The following NELL1 variants were observed in gnomAD, a reference collection of about 807,000 sequenced individuals.
The protein encoded by NELL1 is neural EGFL like 1.
NELL1 carries 76 observed loss-of-function variants against 107.4 expected under a neutral mutation model. The ratio of observed to expected loss-of-function variants is 0.71; its 90% CI spans 0.59 to 0.86. NELL1 has a LOEUF of 0.86. Among genes scored for constraint, NELL1 ranks in the 40% least tolerant of loss-of-function variants. The pLI is 0.00. For missense variants in NELL1, 1,024 were observed against 1,005.5 expected (o/e 1.02, Z -0.25); for synonymous variants, 353 against 341.2 (o/e 1.03, Z -0.38).
At chr11:21,178,643 A>T (rs2133821031) in intron 13 of NELL1, among the ~76,000 whole-genome samples, 1 of 151,428 alleles carries the variant, frequency 6.6e-6, no homozygotes, top group East Asian at 1.9e-4. Flanking sequence ...TTCTGCCTGG[A>T]GCCCCAGCTA....
At chr11:20,974,963 T>A (rs914636026) in intron 12 of NELL1, among the ~76,000 whole-genome samples, 2 of 152,214 alleles carry the variant, frequency 1.3e-5, no homozygotes, top group African/African-American at 4.8e-5. Context: ...GAAAGGTTAT[T>A]CACTGTTATT....
intron 15 of NELL1, among the ~76,000 whole-genome samples, chr11:21,413,955 A>AT (rs1470170794): frequency 3.3e-5 from 5 of 151,956 alleles, no homozygotes; most frequent in Admixed American, 6.6e-5. Flanking sequence ...AATGATCAAG[A>AT]TTTTTTTGTT....
intron 14 of NELL1, among the ~76,000 whole-genome samples, chr11:21,250,047 T>C (rs1242662773): frequency 6.6e-6 from 1 of 152,238 alleles, no homozygotes; most frequent in African/African-American, 2.4e-5. Flanking sequence ...GGAGCTTTCA[T>C]GTTTACTGTA....
chr11:21,334,765 C>T (rs1041593874), intron 14 of NELL1, among the ~76,000 whole-genome samples: 27 of 151,854 alleles, frequency 1.8e-4, no homozygotes, highest in African/African-American at 6.5e-4. Flanking sequence ...TGAGTAACTG[C>T]AATTGTGTAG....
At chr11:21,052,755 A>G (rs992328579) in intron 12 of NELL1, among the ~76,000 whole-genome samples, 8 of 152,094 alleles carry the variant, frequency 5.3e-5, no homozygotes, top group Admixed American at 2.6e-4. Context: ...CAGTAGAGCA[A>G]TCCACTTCAG....
intron 12 of NELL1, among the ~76,000 whole-genome samples, chr11:21,018,888 A>G (rs1852632369): frequency 6.6e-6 from 1 of 152,044 alleles, no homozygotes; most frequent in Non-Finnish European, 1.5e-5. Flanking sequence ...GCTGCTTCCT[A>G]TTCAGCTCTG....
In NELL1 at chr11:20,914,613, A is replaced by G. The variant is rs191741893; in HGVS notation, c.604-3569A>G. Among the ~76,000 whole-genome samples the G allele has an allele frequency of 5.3e-5, 8 of 152,182 alleles. No homozygotes were observed. In the South Asian group the frequency reaches 1.4e-3, roughly 28 times the overall value. On this transcript the variant is annotated intron_variant, in intron 5 of 19. Transcript: ENST00000357134. ...ATGAAGCATGTTCAACTCCTTTTCC[A>G]TCATGGTCTGAACTAGATTTCCGGG...
At chr11:21,504,622 G>C (rs1394652302) in intron 15 of NELL1, among the ~76,000 whole-genome samples, 1 of 152,030 alleles carries the variant, frequency 6.6e-6, no homozygotes, top group African/African-American at 2.4e-5. Context: ...ATTTCTTAAG[G>C]TCTTCATTCC....
intron 4 of NELL1, among the ~76,000 whole-genome samples, chr11:20,876,854 C>T (rs1032718108): frequency 6.6e-6 from 1 of 152,216 alleles, no homozygotes; most frequent in African/African-American, 2.4e-5. Context: ...AGTCAGTAAA[C>T]TTTGAGGACC....
chr11:21,156,333 A>T (rs1232282947), intron 13 of NELL1, among the ~76,000 whole-genome samples: 1 of 152,206 alleles, frequency 6.6e-6, no homozygotes, highest in Non-Finnish European at 1.5e-5. Context: ...AGCAGGGCAC[A>T]GTTGCCTCTG....
intron 14 of NELL1, among the ~76,000 whole-genome samples, chr11:21,236,437 C>T (rs1858208973): frequency 6.6e-6 from 1 of 152,032 alleles, no homozygotes; most frequent in Admixed American, 6.6e-5. Context: ...TCTGAAAAAT[C>T]AAAGACAAAT....
At position 21,154,990 on chromosome 11, in the gene NELL1, G is replaced by A. The variant is rs367974813; in HGVS notation, c.1426+41276G>A. On this transcript the variant is annotated intron_variant, in intron 13 of 19. Coordinates refer to ENST00000357134, the MANE Select transcript of NELL1 (RefSeq NM_006157.5). ...CTAGGGTTTTTTGTGGGTGAGGTTA[G>A]GCGCAGAAAACTCACATGAAAGGTG... Among the ~76,000 whole-genome samples, 212 of 152,236 alleles carry A rather than the reference G, an allele frequency of 1.4e-3. 1 individual carries two copies. The highest frequency in any genetic ancestry group is 5.0e-3 in the African/African-American group (206 of 41,534).
In NELL1 at chr11:21,179,862, C is replaced by CTTTTTTTTT. The variant is rs1164420669; in HGVS notation, c.1427-49453_1427-49445dup. Among the ~76,000 whole-genome samples the CTTTTTTTTT allele has an allele frequency of 9.5e-4, 72 of 75,700 alleles. 2 individuals are homozygous for CTTTTTTTTT. The highest frequency in any genetic ancestry group is 1.0e-3 in the Non-Finnish European group (45 of 44,112). The allele number at this position is 75,700 out of a possible 152,430, so 49.7% of individuals were successfully genotyped here. ...AAGGTTTAGGACAGAAATCAACACA[C>CTTTTTTTTT]TTTTTTTTTTTTTTTTTTTTTTTTT... On this transcript the variant is annotated intron_variant, in intron 13 of 19. Coordinates refer to ENST00000357134, the MANE Select transcript of NELL1 (RefSeq NM_006157.5).
At chr11:21,389,151 A>T (rs183958345) in intron 15 of NELL1, among the ~76,000 whole-genome samples, 91 of 151,896 alleles carry the variant, frequency 6.0e-4, no homozygotes, top group Admixed American at 1.2e-3. Flanking sequence ...CCATTGTAGT[A>T]CTTAAATGGA....
chr11:21,151,680 A>G (rs1218848127), intron 13 of NELL1, among the ~76,000 whole-genome samples: 2 of 152,218 alleles, frequency 1.3e-5, no homozygotes, highest in Non-Finnish European at 2.9e-5. Context: ...CACAGTTCCT[A>G]GCATAGAGTA....
intron 13 of NELL1, among the ~76,000 whole-genome samples, chr11:21,141,400 C>T (rs1855864361): frequency 6.6e-6 from 1 of 152,136 alleles, no homozygotes; most frequent in Admixed American, 6.5e-5. Flanking sequence ...AATGAATTGG[C>T]GTTTCCTATT....
chr11:21,290,279 G>A (rs930042438), intron 14 of NELL1, among the ~76,000 whole-genome samples: 1 of 152,000 alleles, frequency 6.6e-6, no homozygotes, highest in African/African-American at 2.4e-5. Context: ...TGAGGCAGGA[G>A]AATGGCGTGA....
At chr11:21,517,257 G>A (rs543488772) in intron 15 of NELL1, among the ~76,000 whole-genome samples, 11 of 152,274 alleles carry the variant, frequency 7.2e-5, no homozygotes, top group Non-Finnish European at 1.5e-4. Context: ...GAAAGCTCAA[G>A]TTCAATGAAA....
intron 17 of NELL1, among the ~76,000 whole-genome samples, chr11:21,563,182 G>A (rs555659050): frequency 6.6e-6 from 1 of 152,056 alleles, no homozygotes; most frequent in Non-Finnish European, 1.5e-5. Context: ...TTACAGCCCA[G>A]CGTCTTTTCA....
Sources: allele counts gnomAD v4.1 joint callset (sites outside exome capture counted in the v4.1 genomes callset), GRCh38; gene constraint gnomAD v4.1.1; transcripts MANE v1.5; gene names NCBI Gene and HGNC (gene_info 2026-07-23, HGNC 2026-07-21).